The following NR2F1-AS1 variants were observed in gnomAD, a reference collection of about 807,000 sequenced individuals.
NR2F1-AS1 encodes NR2F1 regulatory antisense RNA 1, also known as NR2F1 antisense RNA 1.
chr5:93,556,039 A>G (rs1752346324), intron 2 of NR2F1-AS1, among the ~76,000 whole-genome samples: 1 of 152,134 alleles, frequency 6.6e-6, no homozygotes, highest in African/African-American at 2.4e-5. Flanking sequence ...AATATAACTG[A>G]GCCCAAAGCC....
At chr5:93,543,220 A>G (rs13175355) in intron 4 of NR2F1-AS1, 3 of 152,266 alleles carry the variant, frequency 2.0e-5, no homozygotes, top group African/African-American at 7.2e-5. Context: ...ATAACCAAGC[A>G]TACAAGGAAA....
At chr5:93,430,547 A>G (rs564284162) in intron 4 of NR2F1-AS1, among the ~76,000 whole-genome samples, 2 of 152,336 alleles carry the variant, frequency 1.3e-5, no homozygotes, top group Non-Finnish European at 2.9e-5. Flanking sequence ...CATTAAAAAT[A>G]TATCAAAAAA....
rs368857863 is a variant in NR2F1-AS1 at position 93,535,679 on chromosome 5, A to G, written n.638+18082T>C. ...ATTCTGATCAGGTGGGATTCATCGT[A>G]GAGATGCAAAACAGTAAATGTGATA... On this transcript the variant is annotated intron_variant and non_coding_transcript_variant, in intron 4 of 5. Transcript: ENST00000660523. Among the ~76,000 whole-genome samples the G allele has an allele frequency of 2.1e-4, 32 of 152,302 alleles. No homozygotes were observed. In the East Asian group the frequency reaches 5.6e-3, roughly 27 times the overall value.
At chr5:93,560,738 A>C (rs980688428) in intron 2 of NR2F1-AS1, among the ~76,000 whole-genome samples, 2 of 152,240 alleles carry the variant, frequency 1.3e-5, no homozygotes, top group East Asian at 3.8e-4. Flanking sequence ...ACTTCTTTTG[A>C]GAAATATTTA....
chr5:93,503,341 T>C (rs917664159), intron 4 of NR2F1-AS1, among the ~76,000 whole-genome samples: 2 of 152,190 alleles, frequency 1.3e-5, no homozygotes, highest in Non-Finnish European at 2.9e-5. Context: ...AGCATTGGTA[T>C]TGTTACACTG....
chr5:93,547,395 A>G (rs546879609), intron 4 of NR2F1-AS1, among the ~76,000 whole-genome samples: 1 of 152,302 alleles, frequency 6.6e-6, no homozygotes, highest in South Asian at 2.1e-4. Flanking sequence ...GATTCCAGCC[A>G]ACATCTATCA....
upstream of NR2F1-AS1, among the ~76,000 whole-genome samples, chr5:93,581,715 TCTCTCTCTCTCTCTCTCTCC>T (rs1753048319): frequency 9.5e-5 from 6 of 63,268 alleles, no homozygotes; most frequent in African/African-American, 4.4e-4. Context: ...TCTCTCTCTC[TCTCTCTCTCTCTCTCTCTCC>T]CCCTCTCCCT....
intron 2 of NR2F1-AS1, among the ~76,000 whole-genome samples, chr5:93,556,299 T>C (rs1460691364): frequency 6.6e-6 from 1 of 152,200 alleles, no homozygotes; most frequent in Admixed American, 6.5e-5. Flanking sequence ...ACAGTTTTTA[T>C]ATAAGAACAG....
chr5:93,482,821 A>G (rs911495868), intron 4 of NR2F1-AS1, among the ~76,000 whole-genome samples: 9 of 152,166 alleles, frequency 5.9e-5, no homozygotes, highest in African/African-American at 2.2e-4. Flanking sequence ...CTCACAGTGT[A>G]AACAAAGCCT....
chr5:93,530,693 T>C (rs1751718844), intron 4 of NR2F1-AS1, among the ~76,000 whole-genome samples: 1 of 152,208 alleles, frequency 6.6e-6, no homozygotes, highest in Admixed American at 6.5e-5. Flanking sequence ...TTTCATTCAC[T>C]GAGAAAAATG....
At chr5:93,499,530 A>G (rs529964278) in intron 4 of NR2F1-AS1, among the ~76,000 whole-genome samples, 1 of 152,268 alleles carries the variant, frequency 6.6e-6, no homozygotes, top group South Asian at 2.1e-4. Flanking sequence ...GACCATGCCC[A>G]TAAGCAAACT....
intron 4 of NR2F1-AS1, among the ~76,000 whole-genome samples, chr5:93,469,166 T>C (rs894753064): frequency 2.6e-5 from 4 of 152,152 alleles, no homozygotes; most frequent in African/African-American, 9.6e-5. Context: ...AATGTATCAT[T>C]AGGTGGTTTC....
upstream of NR2F1-AS1, among the ~76,000 whole-genome samples, chr5:93,582,263 C>G (rs1270374048): frequency 7.0e-6 from 1 of 142,038 alleles, no homozygotes; most frequent in Non-Finnish European, 1.5e-5. Flanking sequence ...TTTGGAACAG[C>G]CAGGTGATAA....
chr5:93,493,353 T>C (rs925302249), intron 4 of NR2F1-AS1, among the ~76,000 whole-genome samples: 2 of 152,080 alleles, frequency 1.3e-5, no homozygotes, highest in Admixed American at 1.3e-4. Context: ...ACATACACTG[T>C]ATGTCTTTTA....
At chr5:93,488,961 T>G (rs1750782293) in intron 4 of NR2F1-AS1, among the ~76,000 whole-genome samples, 1 of 152,066 alleles carries the variant, frequency 6.6e-6, no homozygotes. Context: ...ACATGGATGA[T>G]GCTGGAAACC....
chr5:93,413,592 G>A (rs1212221042), intron 4 of NR2F1-AS1, among the ~76,000 whole-genome samples: 2 of 152,148 alleles, frequency 1.3e-5, no homozygotes, highest in African/African-American at 4.8e-5. Flanking sequence ...GAGGGCCAGG[G>A]CCCAGGTAGG....
chr5:93,413,686 G>C (rs1178932316), intron 4 of NR2F1-AS1, among the ~76,000 whole-genome samples: 1 of 152,048 alleles, frequency 6.6e-6, no homozygotes, highest in African/African-American at 2.4e-5. Context: ...CAAGAAACAC[G>C]TGGGCAAGGA....
At chr5:93,510,497 A>G (rs921859445) in intron 4 of NR2F1-AS1, among the ~76,000 whole-genome samples, 1 of 152,162 alleles carries the variant, frequency 6.6e-6, no homozygotes, top group African/African-American at 2.4e-5. Flanking sequence ...CGGCTAGTCA[A>G]TGATCCATGG....
At chr5:93,552,875 G>A (rs1009987185) in intron 4 of NR2F1-AS1, among the ~76,000 whole-genome samples, 1 of 152,036 alleles carries the variant, frequency 6.6e-6, no homozygotes, top group Non-Finnish European at 1.5e-5. Context: ...AATTATAAAT[G>A]TAATTAGTAC....
Sources: allele counts gnomAD v4.1 joint callset (sites outside exome capture counted in the v4.1 genomes callset), GRCh38; gene constraint gnomAD v4.1.1; transcripts MANE v1.5; gene names NCBI Gene and HGNC (gene_info 2026-07-23, HGNC 2026-07-21).